ZNF578: variants seen among roughly 807,000 people sequenced by gnomAD.
ZNF578 encodes the protein Putative chemokine-related protein B42.
Under a neutral mutation model 8.3 loss-of-function variants are expected in ZNF578, and 8 were observed. That is an observed-to-expected ratio of 0.96 (90% confidence interval 0.56 to 1.74). The LOEUF (loss-of-function observed/expected upper bound fraction) is 1.74. Ranked by LOEUF, ZNF578 falls within the 40% of genes most tolerant of loss-of-function variation. The pLI, the probability that ZNF578 is intolerant of heterozygous loss-of-function variation, is 0.00. For synonymous variants in ZNF578, 206 were observed against 232.2 expected, an observed-to-expected ratio of 0.89 and a Z score of 1.03; for missense variants, 726 against 707.5, an observed-to-expected ratio of 1.03 and a Z score of -0.30.
intron 3 of ZNF578, among the ~76,000 whole-genome samples, chr19:52,498,469 C>G (rs2059395110): frequency 6.6e-6 from 1 of 151,726 alleles, no homozygotes; most frequent in South Asian, 2.1e-4. Context: ...GTAGCTGGGA[C>G]TACAGGCACC....
rs2059477721 is a variant in ZNF578, at chr19:52,516,663, A to ATT, written c.*4510_*4511insTT. On this transcript the variant is annotated 3_prime_UTR_variant, in exon 6 of 6. Transcript: ENST00000421239. ...TCTTGACTGATCAATGTGCTTTGTA[A>ATT]TCTCCCCCACCCTTCAGAAGGCTCT... 6.6e-6 allele frequency among the ~76,000 whole-genome samples: 1 copy of ATT among 151,984 alleles called. No individual in the cohort carries two copies. The highest frequency in any genetic ancestry group is 1.5e-5 in the Non-Finnish European group (1 of 68,014).
At chr19:52,507,660 G>A (rs955275661) in intron 5 of ZNF578, among the ~76,000 whole-genome samples, 3 of 152,218 alleles carry the variant, frequency 2.0e-5, no homozygotes, top group African/African-American at 7.2e-5. Flanking sequence ...CCTGGTGAGA[G>A]CCTTCTTCGT....
chr19:52,505,893 G>T (rs946067531), intron 5 of ZNF578, among the ~76,000 whole-genome samples: 1 of 150,940 alleles, frequency 6.6e-6, no homozygotes, highest in Non-Finnish European at 1.5e-5. Flanking sequence ...CAACTTGTTA[G>T]TTTCTATGTT....
At position 52,511,155 on chromosome 19, in the gene ZNF578, A is replaced by G. The variant is rs2059444000; in HGVS notation, c.774A>G (p.Gln258=). Residue 258 remains glutamine (Q), a synonymous_variant, in exon 6 of 6, where the codon CAA becomes CAG. Transcript: ENST00000421239. ...AGATAATCCATTTAGGAGAAAAACA[A>G]TATAAATTTGATATATGTGGCAAAG... ...KHQIIHLGEK[Q]YKFDICGKVF... 6.2e-7 allele frequency: 1 copy of G among 1,614,188 alleles called. No homozygotes were observed. Among genetic ancestry groups the G allele is most frequent in the Non-Finnish European group, 8.5e-7 (1 of 1,179,992 alleles).
At chr19:52,506,196 G>A (rs2059425044) in intron 5 of ZNF578, among the ~76,000 whole-genome samples, 1 of 152,048 alleles carries the variant, frequency 6.6e-6, no homozygotes, top group Non-Finnish European at 1.5e-5. Flanking sequence ...ACCACCCCTG[G>A]CCCCATCCGA....
chr19:52,487,000 TGA>T (rs1263816471), intron 2 of ZNF578, among the ~76,000 whole-genome samples: 1 of 143,256 alleles, frequency 7.0e-6, no homozygotes, highest in Non-Finnish European at 1.5e-5. Context: ...AAGGGGAGAA[TGA>T]GAGAGATATA....
At chr19:52,460,314 C>CTTTTTTTT (rs35382657) in intron 2 of ZNF578, among the ~76,000 whole-genome samples, 1 of 145,916 alleles carries the variant, frequency 6.9e-6, no homozygotes. Context: ...CTCTCCAACA[C>CTTTTTTTT]TTTTTTTTTT....
chr19:52,512,307 T>C lies in ZNF578; in HGVS notation c.*153T>C. On this transcript the variant is annotated 3_prime_UTR_variant, in exon 6 of 6. Coordinates refer to ENST00000421239, the MANE Select transcript of ZNF578 (RefSeq NM_001099694.2). ...AAAGCCTTTAGTGACCAGTCAACAC[T>C]TACCATCAGGCCATTCATGGTGTAG... is the stretch of plus-strand genomic sequence containing the variant. 1 of 1,550,126 alleles carries C rather than the reference T, an allele frequency of 6.5e-7. No individual in the cohort carries two copies. Among genetic ancestry groups the C allele is most frequent in the African/African-American group, 1.4e-5 (1 of 73,682 alleles).
intron 2 of ZNF578, among the ~76,000 whole-genome samples, chr19:52,469,945 C>T (rs559386519): frequency 1.1e-3 from 160 of 152,248 alleles, no homozygotes; most frequent in African/African-American, 3.8e-3. Context: ...CACACTCAGC[C>T]TCACCAGGTA....
At position 52,514,960 on chromosome 19, in the gene ZNF578, CTCT is replaced by C. The variant is rs1207831581; in HGVS notation, c.*2808_*2810del. On this transcript the variant is annotated 3_prime_UTR_variant, in exon 6 of 6. Coordinates refer to ENST00000421239, the MANE Select transcript of ZNF578 (RefSeq NM_001099694.2). ...ACAGGCATGAGCTACCACGTCGAGA[CTCT>C]TTTTTTTTTTTTTTTTTAGATGGAG... 2.6e-5 allele frequency among the ~76,000 whole-genome samples: 3 copies of C among 115,932 alleles called. No homozygotes were observed. Among genetic ancestry groups the C allele is most frequent in the African/African-American group, 9.7e-5 (3 of 30,860 alleles). 76.1% of individuals were successfully genotyped at this position (115,932 alleles called of 152,430 possible). A position where few individuals can be genotyped will look rare whatever the true frequency, so the allele number is the denominator to read the frequency against.
intron 2 of ZNF578, among the ~76,000 whole-genome samples, chr19:52,480,923 TAATAA>T (rs1040195619): frequency 2.8e-4 from 42 of 147,660 alleles, no homozygotes; most frequent in Admixed American, 6.1e-4. Context: ...ATAATAATAA[TAATAA>T]TAATAATAAT....
At chr19:52,486,295 C>G (rs968856428) in intron 2 of ZNF578, among the ~76,000 whole-genome samples, 2 of 152,130 alleles carry the variant, frequency 1.3e-5, no homozygotes, top group Non-Finnish European at 2.9e-5. Context: ...TGCCACATCC[C>G]CCTCTCTGAG....
intron 5 of ZNF578, among the ~76,000 whole-genome samples, chr19:52,510,171 G>A (rs1477752132): frequency 1.3e-5 from 2 of 151,362 alleles, no homozygotes; most frequent in African/African-American, 4.8e-5. Context: ...TATATTGTGT[G>A]GTGTTTTTTT....
rs925775007 is a variant in ZNF578 at position 52,514,408 on chromosome 19, G to A, written c.*2254G>A. 3.9e-5 allele frequency among the ~76,000 whole-genome samples: 6 copies of A among 152,172 alleles called. No individual in the cohort carries two copies. Among genetic ancestry groups the A allele is most frequent in the African/African-American group, 1.4e-4 (6 of 41,442 alleles). On this transcript the variant is annotated 3_prime_UTR_variant, in exon 6 of 6. Coordinates refer to ENST00000421239, the MANE Select transcript of ZNF578 (RefSeq NM_001099694.2). ...TCTAGTCTTTGTTATTTATTGGAAG[G>A]CTGTGGTACCTACTACTTAAGTTTG...
intron 2 of ZNF578, among the ~76,000 whole-genome samples, chr19:52,466,905 A>C (rs1328183369): frequency 6.6e-6 from 1 of 152,212 alleles, no homozygotes; most frequent in Non-Finnish European, 1.5e-5. Context: ...GCATGTGTGT[A>C]TACATAATGT....
chr19:52,512,384 C>A lies in ZNF578; in HGVS notation c.*230C>A. ...CACAAAGTCTTCAGTAACGCTACAA[C>A]GATTGCAAATCATTGGAGAATCCAT... On this transcript the variant is annotated 3_prime_UTR_variant, in exon 6 of 6. Coordinates refer to ENST00000421239, the MANE Select transcript of ZNF578 (RefSeq NM_001099694.2). The A allele has an allele frequency of 6.7e-7, 1 of 1,492,096 alleles. No homozygotes were observed. The highest frequency in any genetic ancestry group is 2.3e-5 in the East Asian group (1 of 44,134). The allele number at this position is 1,492,096 out of a possible 1,614,324, so 92.4% of individuals were successfully genotyped here. A position where few individuals can be genotyped will look rare whatever the true frequency, so the allele number is the denominator to read the frequency against.
At chr19:52,505,166 C>T (rs2059421239) in intron 5 of ZNF578, among the ~76,000 whole-genome samples, 2 of 152,154 alleles carry the variant, frequency 1.3e-5, no homozygotes, top group Admixed American at 6.5e-5. Flanking sequence ...GGATTACAGG[C>T]GTGAGCCACC....
chr19:52,460,921 C>G (rs1410897693), intron 2 of ZNF578, among the ~76,000 whole-genome samples: 1 of 152,146 alleles, frequency 6.6e-6, no homozygotes, highest in Admixed American at 6.5e-5. Flanking sequence ...ACCACCGTTG[C>G]TATCATGGCT....
chr19:52,494,275 C>A (rs1230411964), intron 3 of ZNF578, among the ~76,000 whole-genome samples: 1 of 151,924 alleles, frequency 6.6e-6, no homozygotes. Context: ...TTGCTTGAGT[C>A]CAGGAGTTCA....
Sources: gnomAD v4.1 joint callset for allele counts (sites outside exome capture counted in the v4.1 genomes callset) on GRCh38, gnomAD v4.1.1 for gene constraint, MANE v1.5 for transcripts, NCBI Gene and HGNC (gene_info 2026-07-23, HGNC 2026-07-21) for gene names.